Variants in NFX1 observed in about 807,000 individuals in gnomAD.
NFX1 encodes the protein transcriptional repressor NF-X1.
A neutral mutation model predicts 137.2 loss-of-function variants in NFX1; 69 were observed. The observed-to-expected ratio is 0.50, with a 90% confidence interval of 0.41 to 0.61. The LOEUF (loss-of-function observed/expected upper bound fraction) is 0.61. Ranked by LOEUF, NFX1 falls within the 20% of genes least tolerant of loss-of-function variation. NFX1 has a pLI of 0.00. For missense variants in NFX1, 1,167 were observed against 1,391.0 expected (o/e 0.84, Z 2.56); for synonymous variants, 495 against 474.1 (o/e 1.04, Z -0.57).
intron 1 of NFX1, among the ~76,000 whole-genome samples, chr9:33,292,357 A>G (rs1422362185): frequency 6.6e-6 from 1 of 152,208 alleles, no homozygotes; most frequent in Non-Finnish European, 1.5e-5. Flanking sequence ...TGCAGAGGAT[A>G]CTTTTCTGCC....
chr9:33,338,323 C>T (rs1823088865), intron 11 of NFX1, among the ~76,000 whole-genome samples, 187 bp from the exon 12 acceptor site: 2 of 152,148 alleles, frequency 1.3e-5, no homozygotes, highest in African/African-American at 4.8e-5. Context: ...CCACTGCACT[C>T]CAGCCTGGGC....
chr9:33,336,841 C>A (rs924400617), intron 11 of NFX1, among the ~76,000 whole-genome samples: 8 of 152,130 alleles, frequency 5.3e-5, no homozygotes, highest in African/African-American at 1.9e-4. Flanking sequence ...GTAGCTCACG[C>A]CTGTAATCCC....
chr9:33,306,463 A>G (rs1159429596), intron 4 of NFX1, among the ~76,000 whole-genome samples: 2 of 152,182 alleles, frequency 1.3e-5, no homozygotes, highest in Admixed American at 6.5e-5. Flanking sequence ...TTGGGGATCA[A>G]TGGCCTTTAG....
Position 33,354,820 on chromosome 9 carries a change from G to A in NFX1, c.2832-31G>A, listed in dbSNP as rs1240896868. On this transcript the variant is annotated intron_variant, in intron 18 of 23. Coordinates refer to ENST00000379540, the MANE Select transcript of NFX1 (RefSeq NM_002504.6). ...ATGGGAGCTGTACAGTCTGTATTCT[G>A]ACTTTAATTTTTTTTCATTTGCTTA... is the stretch of plus-strand genomic sequence containing the variant. The A allele has an allele frequency of 3.7e-6, 6 of 1,605,382 alleles. No homozygotes were observed. The African/African-American group carries it at 8.0e-5, about 21-fold the overall frequency.
At chr9:33,331,136 A>G (rs1376587583) in intron 10 of NFX1, among the ~76,000 whole-genome samples, 2 of 152,190 alleles carry the variant, frequency 1.3e-5, no homozygotes, top group African/African-American at 4.8e-5. Flanking sequence ...ACTGCGCTCC[A>G]GCCAGGGCAA....
At chr9:33,364,591 T>C (rs1824114345) in intron 20 of NFX1, 117 bp from the exon 21 acceptor site, 2 of 1,156,656 alleles carry the variant, frequency 1.7e-6, no homozygotes, top group African/African-American at 3.1e-5. Context: ...ATTCCTGATC[T>C]CTGCAGTTTT....
At chr9:33,339,573 A>T (rs914862687) in intron 12 of NFX1, among the ~76,000 whole-genome samples, 1 of 152,078 alleles carries the variant, frequency 6.6e-6, no homozygotes, top group Non-Finnish European at 1.5e-5. Context: ...ACATTTCAAA[A>T]CCAATCATGC....
chr9:33,347,134 A>G lies in NFX1; in HGVS notation c.2424+17A>G, dbSNP rs960241367. ...AAGCATGAGGTAAGTTTTCTCTCTCAAGTGCTCATTGTTCCAGGCAGAGGT... is the reference window on the plus strand; with the variant it reads ...AAGCATGAGGTAAGTTTTCTCTCTCGAGTGCTCATTGTTCCAGGCAGAGGT... On this transcript the variant is annotated intron_variant, in intron 15 of 23. Coordinates refer to ENST00000379540, the MANE Select transcript of NFX1 (RefSeq NM_002504.6). The G allele has an allele frequency of 2.5e-6, 4 of 1,586,928 alleles. No homozygotes were observed. Among genetic ancestry groups the G allele is most frequent in the Admixed American group, 1.7e-5 (1 of 59,816 alleles).
chr9:33,360,829 A>G (rs1823965040), intron 19 of NFX1, among the ~76,000 whole-genome samples: 1 of 152,252 alleles, frequency 6.6e-6, no homozygotes, highest in South Asian at 2.1e-4. Flanking sequence ...TGTCTTTTGA[A>G]AAATTGGAAA....
At chr9:33,352,530 C>A in intron 16 of NFX1, 116 bp from the exon 17 acceptor site, 1 of 843,874 alleles carries the variant, frequency 1.2e-6, no homozygotes, top group Non-Finnish European at 2.0e-6. Flanking sequence ...TGGAGAGTGG[C>A]CACCCACTGA....
chr9:33,313,625 T>C lies in NFX1; in HGVS notation c.1449-29T>C, dbSNP rs144043679. 9.3e-4 allele frequency: 1,500 copies of C among 1,610,460 alleles called. 11 individuals carry two copies. Among genetic ancestry groups the C allele is most frequent in the Middle Eastern group, 8.3e-3 (50 of 6,044 alleles). On this transcript the variant is annotated intron_variant, in intron 6 of 23. Transcript: ENST00000379540. The stretch of plus-strand genomic sequence containing the variant: ...TGTCCAACAGGAACTTTTACACTGA[T>C]GCTGTCTTTACATCTATTGTCTTTA...
At chr9:33,296,075 C>T (rs540510906) in intron 2 of NFX1, among the ~76,000 whole-genome samples, 18 of 152,196 alleles carry the variant, frequency 1.2e-4, no homozygotes, top group Admixed American at 5.9e-4. Context: ...TACAGGCGCC[C>T]GCCACCATGC....
chr9:33,339,990 T>C (rs957835777), intron 12 of NFX1, among the ~76,000 whole-genome samples: 6 of 152,138 alleles, frequency 3.9e-5, no homozygotes, highest in African/African-American at 1.4e-4. Flanking sequence ...TGTCATTGAG[T>C]GTCTGTGGCT....
At chr9:33,359,415 A>C (rs929975574) in intron 19 of NFX1, among the ~76,000 whole-genome samples, 1 of 152,108 alleles carries the variant, frequency 6.6e-6, no homozygotes, top group African/African-American at 2.4e-5. Flanking sequence ...CCTGGTCAAC[A>C]TGGTGAAACC....
chr9:33,369,535 G>T (rs1244681467), intron 23 of NFX1, among the ~76,000 whole-genome samples: 2 of 152,204 alleles, frequency 1.3e-5, no homozygotes, highest in Non-Finnish European at 1.5e-5. Flanking sequence ...AACTTCACAA[G>T]TGAGATGCTC....
chr9:33,326,374 C>G (rs1460673727), intron 9 of NFX1, among the ~76,000 whole-genome samples: 1 of 146,734 alleles, frequency 6.8e-6, no homozygotes, highest in Non-Finnish European at 1.5e-5. Flanking sequence ...GATCATGCCA[C>G]TGCACTTCAG....
intron 11 of NFX1, among the ~76,000 whole-genome samples, chr9:33,334,726 A>C (rs1822936102): frequency 6.6e-6 from 1 of 152,204 alleles, no homozygotes; most frequent in South Asian, 2.1e-4. Flanking sequence ...TTTCCATGTC[A>C]GTATGCATAA....
rs530285432 is a variant in NFX1 at position 33,346,514 on chromosome 9, C to CA, written c.2345-523dup. On this transcript the variant is annotated intron_variant, in intron 14 of 23. Coordinates refer to ENST00000379540, the MANE Select transcript of NFX1 (RefSeq NM_002504.6). ...TGGGCTAAATAATGTGGCAGCAACC[C>CA]ATCTGCATAGGAACTGAGACACCAG... 1.3e-4 allele frequency among the ~76,000 whole-genome samples: 20 copies of CA among 152,228 alleles called. 1 individual carries two copies. In the South Asian group the frequency reaches 4.2e-3, roughly 32 times the overall value.
intron 14 of NFX1, among the ~76,000 whole-genome samples, chr9:33,344,483 G>A (rs1823340228): frequency 6.6e-6 from 1 of 152,148 alleles, no homozygotes; most frequent in South Asian, 2.1e-4. Context: ...TTTGGTGCAT[G>A]TTTTGAAATT....
Sources: allele counts gnomAD v4.1 joint callset (sites outside exome capture counted in the v4.1 genomes callset), GRCh38; gene constraint gnomAD v4.1.1; transcripts MANE v1.5; gene names NCBI Gene and HGNC (gene_info 2026-07-23, HGNC 2026-07-21).